Variants in ATP8B1 observed in about 807,000 individuals in gnomAD.
ATP8B1 encodes the protein ATPase phospholipid transporting 8B1, also known as phospholipid-transporting ATPase IC.
A neutral mutation model predicts 149.9 loss-of-function variants in ATP8B1; 80 were observed. That is an observed-to-expected ratio of 0.53 (90% confidence interval 0.45 to 0.64). ATP8B1 has a LOEUF of 0.64. ATP8B1 is among the 30% of genes least tolerant of loss of function. The pLI is 0.00. For synonymous variants in ATP8B1, 536 were observed against 562.8 expected (o/e 0.95, Z 0.67); for missense variants, 1,247 against 1,552.6 (o/e 0.80, Z 3.31).
intron 1 of ATP8B1, among the ~76,000 whole-genome samples, chr18:57,774,511 T>C (rs897665034): frequency 1.6e-4 from 25 of 152,184 alleles, no homozygotes; most frequent in Admixed American, 1.5e-3. Flanking sequence ...GCAGGAGAAC[T>C]GCTTGAACCT....
intron 2 of ATP8B1, among the ~76,000 whole-genome samples, chr18:57,707,426 T>C (rs1369973547): frequency 6.8e-6 from 1 of 146,974 alleles, no homozygotes; most frequent in Non-Finnish European, 1.5e-5. Context: ...TAGGTGTTGA[T>C]GAATCCCCAC....
intron 23 of ATP8B1, among the ~76,000 whole-genome samples, chr18:57,654,586 T>G (rs1909859163): frequency 6.6e-6 from 1 of 152,128 alleles, no homozygotes; most frequent in Admixed American, 6.6e-5. Flanking sequence ...CCCAAAGTGC[T>G]GGGATTATAG....
chr18:57,684,898 C>A (rs9951320), intron 14 of ATP8B1, among the ~76,000 whole-genome samples, 174 bp downstream of exon 14: 2,307 of 152,250 alleles, frequency 0.015, 53 homozygotes, highest in African/African-American at 0.052. Context: ...GGCAGAGACA[C>A]AGAGTTGTGT....
In ATP8B1 at chr18:57,695,208, C is replaced by A; in HGVS notation, c.903G>T (p.Arg301Ser). The change falls in exon 10 of 28, where the codon AGG becomes AGT. Residue 301 changes from arginine to serine, a missense_variant. Coordinates refer to ENST00000648908, the MANE Select transcript of ATP8B1 (RefSeq NM_001374385.1). ...DKILLRGCVIRNTDFCHGLVI... is the reference protein window; with the variant it reads ...DKILLRGCVISNTDFCHGLVI... ...CTAAGCCGTGGCAGAAATCGGTGTTCCTAATTACACAGCCACGTAACAAAA... is the reference window on the plus strand; with the variant it reads ...CTAAGCCGTGGCAGAAATCGGTGTTACTAATTACACAGCCACGTAACAAAA... 1 of 1,614,090 alleles carries A rather than the reference C, an allele frequency of 6.2e-7. No individual in the cohort carries two copies. The highest frequency in any genetic ancestry group is 1.1e-5 in the South Asian group (1 of 91,072).
At chr18:57,708,053 G>A (rs1913495922) in intron 2 of ATP8B1, among the ~76,000 whole-genome samples, 1 of 150,660 alleles carries the variant, frequency 6.6e-6, no homozygotes, top group Admixed American at 6.6e-5. Context: ...AGCTACTCAG[G>A]AGGCTGAGGC....
chr18:57,727,720 G>A (rs750601991), intron 2 of ATP8B1, among the ~76,000 whole-genome samples: 2 of 152,112 alleles, frequency 1.3e-5, no homozygotes, highest in Admixed American at 6.6e-5. Flanking sequence ...ACCCAGGAGC[G>A]GGGTTGCAGT....
chr18:57,674,676 A>G (rs951956219), intron 16 of ATP8B1, among the ~76,000 whole-genome samples, 158 bp downstream of exon 16: 5 of 152,088 alleles, frequency 3.3e-5, no homozygotes, highest in Non-Finnish European at 5.9e-5. Context: ...GTGAGCCACC[A>G]CGCCCAGCCA....
At position 57,711,542 on chromosome 18, in the gene ATP8B1, C is replaced by T. The variant is rs368317149; in HGVS notation, c.182-4955G>A. Among the ~76,000 whole-genome samples, 14 of 152,268 alleles carry T rather than the reference C, an allele frequency of 9.2e-5. No individual in the cohort carries two copies. In the South Asian group the frequency reaches 2.7e-3, roughly 29 times the overall value. On this transcript the variant is annotated intron_variant, in intron 2 of 27. Transcript: ENST00000648908. ...TGCAAGCATTCTTTGCGCATACAAA[C>T]GTGTATCTCTCTGGAAGGACATATT...
chr18:57,752,412 G>T (rs962986607), intron 1 of ATP8B1, among the ~76,000 whole-genome samples: 1 of 151,982 alleles, frequency 6.6e-6, no homozygotes, highest in Non-Finnish European at 1.5e-5. Context: ...TTCTTAGTAA[G>T]CTCCTACTTC....
At chr18:57,709,677 C>CT (rs1913592817) in intron 2 of ATP8B1, among the ~76,000 whole-genome samples, 1 of 149,922 alleles carries the variant, frequency 6.7e-6, no homozygotes, top group Non-Finnish European at 1.5e-5. Context: ...TTTTTTCTTT[C>CT]TTTTTTCATT....
chr18:57,774,167 C>A (rs1055721491), intron 1 of ATP8B1, among the ~76,000 whole-genome samples: 3 of 152,222 alleles, frequency 2.0e-5, no homozygotes, highest in Non-Finnish European at 2.9e-5. Flanking sequence ...CAAGGCTTAG[C>A]CCCTCACCTT....
intron 25 of ATP8B1, 49 bp downstream of exon 25, chr18:57,652,435 A>G (rs955982898): frequency 6.2e-6 from 10 of 1,612,208 alleles, no homozygotes; most frequent in African/African-American, 2.7e-5. Context: ...ATACAGAAAT[A>G]TAAGTAGGTA....
intron 2 of ATP8B1, among the ~76,000 whole-genome samples, chr18:57,727,876 C>G (rs544964212): frequency 6.6e-6 from 1 of 152,272 alleles, no homozygotes; most frequent in East Asian, 1.9e-4. Flanking sequence ...GTGTGTTCAT[C>G]AGGAAACGAC....
At chr18:57,799,218 C>A (rs752899263) in intron 1 of ATP8B1, among the ~76,000 whole-genome samples, 1 of 152,178 alleles carries the variant, frequency 6.6e-6, no homozygotes, top group African/African-American at 2.4e-5. Flanking sequence ...GCGTTCCAAC[C>A]CAGGTCAAAA....
chr18:57,656,891 G>A (rs931899239), intron 22 of ATP8B1, among the ~76,000 whole-genome samples: 2 of 151,842 alleles, frequency 1.3e-5, no homozygotes, highest in African/African-American at 4.8e-5. Context: ...AGACAGACAC[G>A]GGGTTCCTGG....
intron 1 of ATP8B1, among the ~76,000 whole-genome samples, chr18:57,790,604 C>T (rs2123449486): frequency 6.6e-6 from 1 of 152,288 alleles, no homozygotes; most frequent in South Asian, 2.1e-4. Context: ...CTGGTACTTT[C>T]TTATCCTCTA....
intron 10 of ATP8B1, 142 bp downstream of exon 10, chr18:57,695,029 C>CAAAAAAAAAAA: frequency 3.5e-6 from 1 of 281,772 alleles, no homozygotes; most frequent in East Asian, 1.1e-4. Context: ...GACTCTGTCT[C>CAAAAAAAAAAA]AAAAAAAAAA....
chr18:57,771,967 T>A (rs2080267993), intron 1 of ATP8B1, among the ~76,000 whole-genome samples: 1 of 152,222 alleles, frequency 6.6e-6, no homozygotes, highest in African/African-American at 2.4e-5. Flanking sequence ...GACATCTCTA[T>A]AATGTTTATA....
chr18:57,702,330 T>C (rs1330856443), intron 4 of ATP8B1, among the ~76,000 whole-genome samples: 2 of 152,240 alleles, frequency 1.3e-5, no homozygotes, highest in African/African-American at 4.8e-5. Context: ...GTGGTTAAAA[T>C]GACAGGCTTT....
Sources: allele counts gnomAD v4.1 joint callset (sites outside exome capture counted in the v4.1 genomes callset), GRCh38; gene constraint gnomAD v4.1.1; transcripts MANE v1.5; gene names NCBI Gene and HGNC (gene_info 2026-07-23, HGNC 2026-07-21).